The following PGM5 variants were observed in gnomAD, a reference collection of about 807,000 sequenced individuals.
The protein encoded by PGM5 is phosphoglucomutase-like protein 5.
A neutral mutation model predicts 59.2 loss-of-function variants in PGM5; 23 were observed. The ratio of observed to expected loss-of-function variants is 0.39; its 90% CI spans 0.28 to 0.55. The LOEUF (loss-of-function observed/expected upper bound fraction) is 0.55. PGM5 is among the 20% of genes least tolerant of loss of function. The pLI is 0.66. For synonymous variants in PGM5, 214 were observed against 286.0 expected (o/e 0.75, Z 2.54); for missense variants, 574 against 748.3 (o/e 0.77, Z 2.72).
At chr9:68,416,789 T>C (rs989654818) in intron 6 of PGM5, among the ~76,000 whole-genome samples, 1 of 152,260 alleles carries the variant, frequency 6.6e-6, no homozygotes. Context: ...GTTTGGTCTC[T>C]TTAAGCAGGC....
chr9:68,376,021 T>C (rs1285509182), intron 1 of PGM5, among the ~76,000 whole-genome samples: 1 of 152,214 alleles, frequency 6.6e-6, no homozygotes, highest in Non-Finnish European at 1.5e-5. Flanking sequence ...CGATGGAGAA[T>C]GGTACATGAT....
intron 7 of PGM5, among the ~76,000 whole-genome samples, chr9:68,479,191 T>C (rs781899676): frequency 5.3e-5 from 8 of 152,224 alleles, no homozygotes; most frequent in Admixed American, 1.3e-4. Flanking sequence ...GGCTCTCTGA[T>C]CCCTTCAGAA....
intron 10 of PGM5, among the ~76,000 whole-genome samples, chr9:68,508,638 G>A (rs1391974620): frequency 2.6e-5 from 4 of 152,160 alleles, no homozygotes; most frequent in Non-Finnish European, 4.4e-5. Flanking sequence ...TGTTTACTCA[G>A]CCTGAAAAAG....
intron 7 of PGM5, chr9:68,466,264 CTG>C (rs34965444): frequency 6.1e-5 from 54 of 883,726 alleles, no homozygotes; most frequent in Admixed American, 2.6e-4. Context: ...TTCTCCGATA[CTG>C]TGTGTTTTTT....
At position 68,391,661 on chromosome 9, in the gene PGM5, G is replaced by A. The variant is rs1177264780; in HGVS notation, c.825G>A (p.Thr275=). 3.1e-6 allele frequency: 5 copies of A among 1,613,286 alleles called. No individual in the cohort carries two copies. Among genetic ancestry groups the A allele is most frequent in the Middle Eastern group, 1.7e-4 (1 of 6,050 alleles). ...QHPDPNLTYA[T]TLLEAMKGGE... ...CTGACCCAAACCTGACATATGCAAC[G>A]ACTCTTCTGGAAGCAATGAAAGGAG... Residue 275 remains threonine (T), a synonymous_variant, in exon 5 of 11, where the codon ACG becomes ACA. Transcript: ENST00000396396.
At chr9:68,421,717 AAAAACAAAGCAAAAC>A (rs1319118674) in intron 6 of PGM5, among the ~76,000 whole-genome samples, 1 of 152,136 alleles carries the variant, frequency 6.6e-6, no homozygotes, top group East Asian at 1.9e-4. Flanking sequence ...ACTCCGTCTC[AAAAACAAAGCAAAAC>A]AAAACAAAAC....
intron 10 of PGM5, among the ~76,000 whole-genome samples, chr9:68,500,912 CTA>C (rs1824562983): frequency 6.6e-6 from 1 of 152,036 alleles, no homozygotes; most frequent in Non-Finnish European, 1.5e-5. Context: ...CACAACAATC[CTA>C]TACACACAAG....
chr9:68,368,159 G>T (rs1478418736), intron 1 of PGM5, among the ~76,000 whole-genome samples: 1 of 150,320 alleles, frequency 6.7e-6, no homozygotes, highest in Non-Finnish European at 1.5e-5. Context: ...TTAACAAGAG[G>T]CTAGAACAGA....
chr9:68,367,663 A>C (rs1461241871), intron 1 of PGM5, among the ~76,000 whole-genome samples: 1 of 152,106 alleles, frequency 6.6e-6, no homozygotes, highest in Non-Finnish European at 1.5e-5. Context: ...TGTCATAAAT[A>C]ACAATAAATT....
rs1834455673 is a variant in PGM5, at chr9:68,356,950, G to C, written c.-178G>C. The C allele has an allele frequency of 1.9e-6, 1 of 516,148 alleles. No homozygotes were observed. The highest frequency in any genetic ancestry group is 4.0e-5 in the South Asian group (1 of 24,842). The allele number at this position is 516,148 out of a possible 1,614,324, so 32.0% of individuals were successfully genotyped here. ...AGAGTCAGCCGAGCGGCCGCGCGGA[G>C]AGGAGGGGCGGGCGGTCCCCAGGCG... On this transcript the variant is annotated 5_prime_UTR_variant, in exon 1 of 11. Transcript: ENST00000396396.
At chr9:68,421,875 C>G (rs777523290) in intron 6 of PGM5, among the ~76,000 whole-genome samples, 2 of 150,670 alleles carry the variant, frequency 1.3e-5, no homozygotes, top group Non-Finnish European at 2.9e-5. Flanking sequence ...TAGAATCTAA[C>G]TTTATACTGT....
At chr9:68,381,290 C>G (rs1341351840) in intron 2 of PGM5, among the ~76,000 whole-genome samples, 6 of 151,126 alleles carry the variant, frequency 4.0e-5, no homozygotes, top group Non-Finnish European at 7.4e-5. Context: ...ATCATCTCAA[C>G]TGGTGCAGGA....
At chr9:68,526,591 T>C (rs1201365463) in intron 10 of PGM5, among the ~76,000 whole-genome samples, 1 of 152,244 alleles carries the variant, frequency 6.6e-6, no homozygotes, top group Non-Finnish European at 1.5e-5. Flanking sequence ...AGCATACTGT[T>C]TGCCATTGTG....
chr9:68,377,217 C>T (rs139648783), intron 1 of PGM5, among the ~76,000 whole-genome samples: 18 of 152,110 alleles, frequency 1.2e-4, no homozygotes, highest in Non-Finnish European at 2.2e-4. Context: ...GGAGCCACCA[C>T]GCCCAGCTGA....
At position 68,472,192 on chromosome 9, in the gene PGM5, A is replaced by G. The variant is rs376961218; in HGVS notation, c.1159+6984A>G. The stretch of plus-strand genomic sequence containing the variant: ...ATGGTATAGAGACCCTAATGACCCC[A>G]TTTTGTTGATGAAGTCGTTGAGGTT... On this transcript the variant is annotated intron_variant, in intron 7 of 10. Transcript: ENST00000396396. Among the ~76,000 whole-genome samples the G allele has an allele frequency of 3.9e-5, 6 of 152,204 alleles. No homozygotes were observed. In the East Asian group the frequency reaches 9.7e-4, roughly 24 times the overall value.
At chr9:68,412,350 C>A (rs1162806931) in intron 6 of PGM5, among the ~76,000 whole-genome samples, 1 of 152,170 alleles carries the variant, frequency 6.6e-6, no homozygotes, top group Non-Finnish European at 1.5e-5. Context: ...GAAAGTGAAC[C>A]TTACACATGA....
At chr9:68,381,146 G>A (rs1332854436) in intron 2 of PGM5, among the ~76,000 whole-genome samples, 3 of 151,806 alleles carry the variant, frequency 2.0e-5, no homozygotes, top group African/African-American at 7.2e-5. Flanking sequence ...TAAAACCACA[G>A]GCCAATATCT....
intron 10 of PGM5, among the ~76,000 whole-genome samples, chr9:68,525,925 A>G (rs966474304): frequency 1.3e-5 from 2 of 152,032 alleles, no homozygotes; most frequent in Non-Finnish European, 2.9e-5. Flanking sequence ...GCATGGTGGC[A>G]GGCACCTGTA....
At chr9:68,438,020 G>A (rs1554683448) in intron 6 of PGM5, among the ~76,000 whole-genome samples, 1 of 152,128 alleles carries the variant, frequency 6.6e-6, no homozygotes, top group Non-Finnish European at 1.5e-5. Flanking sequence ...AGGCGAGGTG[G>A]CTCATGCCTG....
Sources: allele counts gnomAD v4.1 joint callset (sites outside exome capture counted in the v4.1 genomes callset), GRCh38; gene constraint gnomAD v4.1.1; transcripts MANE v1.5; gene names NCBI Gene and HGNC (gene_info 2026-07-23, HGNC 2026-07-21).